FREM1: variants seen among roughly 807,000 people sequenced by gnomAD.
FREM1 encodes FRAS1-related extracellular matrix protein 1.
In FREM1, 220 loss-of-function variants were observed where a neutral mutation model predicts 210.1. The observed-to-expected ratio is 1.05, with a 90% CI of 0.94 to 1.17. The LOEUF is 1.17. FREM1 is among the 50% of genes most tolerant of loss of function. The pLI is 0.00. For missense variants in FREM1, 3,454 were observed against 2,675.5 expected, an observed-to-expected ratio of 1.29 and a Z score of -6.42; for synonymous variants, 1,189 against 980.2, an observed-to-expected ratio of 1.21 and a Z score of -3.98.
At chr9:14,827,884 T>C (rs1822773769) in intron 10 of FREM1, among the ~76,000 whole-genome samples, 1 of 152,212 alleles carries the variant, frequency 6.6e-6, no homozygotes, top group Non-Finnish European at 1.5e-5. Flanking sequence ...AGGAACCACT[T>C]GAGCCACCAC....
At chr9:14,898,568 C>G (rs1395742537) in intron 1 of FREM1, among the ~76,000 whole-genome samples, 1 of 152,112 alleles carries the variant, frequency 6.6e-6, no homozygotes, top group Admixed American at 6.6e-5. Flanking sequence ...ATGGCGAAAC[C>G]TCGTCACTAC....
At chr9:14,803,770 T>A (rs552122757) in intron 19 of FREM1, among the ~76,000 whole-genome samples, 2 of 152,322 alleles carry the variant, frequency 1.3e-5, no homozygotes, top group South Asian at 2.1e-4. Flanking sequence ...ACTTGCCATA[T>A]ATGATACTTG....
At chr9:14,797,399 A>T (rs903600805) in intron 21 of FREM1, 99 bp downstream of exon 21, 67 of 939,776 alleles carry the variant, frequency 7.1e-5, no homozygotes, top group Non-Finnish European at 9.7e-5. Context: ...GCTAGCGAAG[A>T]CTTGCTTCTT....
chr9:14,857,887 G>A (rs2131533371), intron 4 of FREM1, 138 bp from the exon 5 acceptor site: 2 of 534,356 alleles, frequency 3.7e-6, no homozygotes, highest in Middle Eastern at 4.7e-4. Flanking sequence ...ATCATTCACT[G>A]AGTGGGTTGT....
intron 5 of FREM1, among the ~76,000 whole-genome samples, chr9:14,855,256 C>G (rs909067490): frequency 1.3e-5 from 2 of 151,860 alleles, no homozygotes; most frequent in Non-Finnish European, 2.9e-5. Flanking sequence ...TACGTTATAT[C>G]CTTATATACA....
At chr9:14,805,247 T>C in intron 18 of FREM1, 95 bp from the exon 19 acceptor site, 1 of 643,306 alleles carries the variant, frequency 1.6e-6, no homozygotes. Flanking sequence ...AATTTCTCAG[T>C]AATACAAATA....
chr9:14,896,514 C>T (rs1016997217), intron 1 of FREM1, among the ~76,000 whole-genome samples: 5 of 144,336 alleles, frequency 3.5e-5, no homozygotes, highest in Admixed American at 7.2e-5. Context: ...CACTGCACTC[C>T]AGCCTGGGCC....
rs1338180941 is a variant in FREM1, at chr9:14,910,280, G to C, written c.-634C>G. ...AAAGATGCCTTCTACTGTTTACACA[G>C]AGCCCGACCTCCCTGGCGGACAGCC... On this transcript the variant is annotated 5_prime_UTR_variant, in exon 1 of 37. Transcript: ENST00000380880. 2 of 152,254 alleles carry C rather than the reference G, an allele frequency of 1.3e-5. No homozygotes were observed. The highest frequency in any genetic ancestry group is 4.1e-4 in the South Asian group (2 of 4,838). The allele number at this position is 152,254 out of a possible 1,614,324, so 9.4% of individuals were successfully genotyped here. A position where few individuals can be genotyped will look rare whatever the true frequency, so the allele number is the denominator to read the frequency against.
At chr9:14,789,637 G>T (rs965309195) in intron 22 of FREM1, among the ~76,000 whole-genome samples, 1 of 152,122 alleles carries the variant, frequency 6.6e-6, no homozygotes. Context: ...ACTAAAGAAA[G>T]AAAATGATGG....
chr9:14,817,860 C>T (rs1483815814), intron 14 of FREM1, among the ~76,000 whole-genome samples: 3 of 152,136 alleles, frequency 2.0e-5, no homozygotes, highest in Non-Finnish European at 2.9e-5. Context: ...TTTATTTTGC[C>T]ATGCTCCCTG....
chr9:14,825,547 G>GTGTGTGTGTGTATATATATA lies in FREM1; in HGVS notation c.1882-556_1882-555insTATATATATACACACACACA. On this transcript the variant is annotated intron_variant, in intron 10 of 36. Transcript: ENST00000380880. ...CATATATATATATATGTGTGTGTGT[G>GTGTGTGTGTGTATATATATA]TATATATATATATATATATATATAC... Among the ~76,000 whole-genome samples, 148 of 75,864 alleles carry GTGTGTGTGTGTATATATATA rather than the reference G, an allele frequency of 2.0e-3. 1 individual carries two copies. The highest frequency in any genetic ancestry group is 5.5e-3 in the African/African-American group (97 of 17,776). 49.8% of individuals were successfully genotyped at this position (75,864 alleles called of 152,430 possible).
intron 1 of FREM1, among the ~76,000 whole-genome samples, chr9:14,888,198 T>C (rs912103415): frequency 6.6e-5 from 10 of 152,206 alleles, no homozygotes; most frequent in Non-Finnish European, 1.5e-4. Flanking sequence ...AGGAGGTAGA[T>C]AATGATTTTA....
chr9:14,843,548 T>C (rs890365273), intron 8 of FREM1, among the ~76,000 whole-genome samples: 6 of 152,192 alleles, frequency 3.9e-5, no homozygotes, highest in Non-Finnish European at 7.3e-5. Flanking sequence ...CATACATAGA[T>C]AGACATTCTG....
At chr9:14,863,484 G>C (rs1830944747) in intron 3 of FREM1, among the ~76,000 whole-genome samples, 1 of 151,966 alleles carries the variant, frequency 6.6e-6, no homozygotes, top group South Asian at 2.1e-4. Context: ...TTTTCATTAA[G>C]AATTTGTAGT....
At chr9:14,880,517 T>A (rs1465811175) in intron 1 of FREM1, among the ~76,000 whole-genome samples, 1 of 148,414 alleles carries the variant, frequency 6.7e-6, no homozygotes, top group East Asian at 2.0e-4. Context: ...GGCAGGAGAA[T>A]CACTTGAACC....
chr9:14,756,358 C>A lies in FREM1; in HGVS notation c.5407+16G>T. ...AAAACAAAACACATAAAACAAACTG[C>A]AGACACAAAATGTACCTGGGTCAAA... is the stretch of plus-strand genomic sequence containing the variant. On this transcript the variant is annotated intron_variant, in intron 29 of 36. Transcript: ENST00000380880. The A allele has an allele frequency of 3.2e-6, 5 of 1,560,566 alleles. No individual in the cohort carries two copies. Among genetic ancestry groups the A allele is most frequent in the Non-Finnish European group, 4.4e-6 (5 of 1,148,310 alleles).
At chr9:14,875,086 T>C (rs1207022592) in intron 1 of FREM1, among the ~76,000 whole-genome samples, 1 of 152,214 alleles carries the variant, frequency 6.6e-6, no homozygotes, top group Non-Finnish European at 1.5e-5. Context: ...CCTTTCTCTC[T>C]GGCTGCCCTT....
intron 23 of FREM1, among the ~76,000 whole-genome samples, chr9:14,788,597 C>T (rs1850777769): frequency 6.6e-6 from 1 of 152,200 alleles, no homozygotes; most frequent in Non-Finnish European, 1.5e-5. Flanking sequence ...TAGAGTTACA[C>T]ATCAACTTGG....
chr9:14,809,977 T>A (rs993111929), intron 16 of FREM1, among the ~76,000 whole-genome samples: 1 of 152,176 alleles, frequency 6.6e-6, no homozygotes, highest in South Asian at 2.1e-4. Context: ...GGCAATTTTA[T>A]GTATTCCGGC....
Sources: gnomAD v4.1 joint callset for allele counts (sites outside exome capture counted in the v4.1 genomes callset) on GRCh38, gnomAD v4.1.1 for gene constraint, MANE v1.5 for transcripts, NCBI Gene and HGNC (gene_info 2026-07-23, HGNC 2026-07-21) for gene names.